CPNE4: variants seen among roughly 807,000 people sequenced by gnomAD.
CPNE4 encodes copine-4.
CPNE4 carries 25 observed loss-of-function variants against 67.9 expected under a neutral mutation model. The observed-to-expected ratio is 0.37, with a 90% CI of 0.27 to 0.51. CPNE4 has a LOEUF of 0.51. CPNE4 is among the 20% of genes least tolerant of loss of function. The probability of loss-of-function intolerance (pLI) is 0.93; values close to 1 mark genes in which losing one functional copy is unlikely to be tolerated. For synonymous variants in CPNE4, 242 were observed against 244.9 expected (o/e 0.99, Z 0.11); for missense variants, 464 against 690.8 (o/e 0.67, Z 3.68).
chr3:131,969,395 CT>C (rs1488156246), intron 1 of CPNE4, among the ~76,000 whole-genome samples: 1 of 151,858 alleles, frequency 6.6e-6, no homozygotes, highest in Non-Finnish European at 1.5e-5. Flanking sequence ...ATGGCAAAAA[CT>C]ACAATTACTT....
intron 2 of CPNE4, among the ~76,000 whole-genome samples, chr3:131,890,886 T>A (rs1263735131): frequency 6.6e-6 from 1 of 152,064 alleles, no homozygotes; most frequent in Non-Finnish European, 1.5e-5. Context: ...ATAAGAGACA[T>A]CTAAAATAAT....
intron 2 of CPNE4, among the ~76,000 whole-genome samples, chr3:131,894,262 TA>T (rs1267901536): frequency 6.6e-6 from 1 of 151,896 alleles, no homozygotes; most frequent in African/African-American, 2.4e-5. Flanking sequence ...CTGATGGCCT[TA>T]CTGCTGAATC....
intron 2 of CPNE4, among the ~76,000 whole-genome samples, chr3:131,871,799 T>C (rs1159888843): frequency 2.0e-5 from 3 of 152,206 alleles, no homozygotes; most frequent in African/African-American, 7.2e-5. Flanking sequence ...TCTGGAACTA[T>C]GACTGACTTT....
chr3:131,889,388 G>T (rs1484157003), intron 2 of CPNE4, among the ~76,000 whole-genome samples: 1 of 152,120 alleles, frequency 6.6e-6, no homozygotes, highest in African/African-American at 2.4e-5. Context: ...CTTTCCCAAG[G>T]TCACACAGTT....
At chr3:131,846,314 G>T (rs75297355) in intron 2 of CPNE4, among the ~76,000 whole-genome samples, 3,536 of 152,210 alleles carry the variant, frequency 0.023, 75 homozygotes, top group Middle Eastern at 0.075. Flanking sequence ...CTCTGGAATC[G>T]CTGGTATCTT....
At chr3:131,658,153 T>C (rs536980112) in intron 7 of CPNE4, among the ~76,000 whole-genome samples, 2 of 152,208 alleles carry the variant, frequency 1.3e-5, no homozygotes, top group South Asian at 2.1e-4. Flanking sequence ...TAAATTACTA[T>C]GTTGGCCTCC....
chr3:131,859,445 T>C (rs2086586052), intron 2 of CPNE4, among the ~76,000 whole-genome samples: 1 of 152,142 alleles, frequency 6.6e-6, no homozygotes, highest in African/African-American at 2.4e-5. Context: ...CAATCTAGCC[T>C]TTTTCCTTTG....
chr3:131,574,244 T>C (rs2107680840), intron 10 of CPNE4, among the ~76,000 whole-genome samples: 1 of 152,314 alleles, frequency 6.6e-6, no homozygotes, highest in East Asian at 1.9e-4. Flanking sequence ...ACATCTCTCT[T>C]GTTTACGTCC....
At chr3:131,634,562 G>A (rs1440173213) in intron 7 of CPNE4, among the ~76,000 whole-genome samples, 1 of 152,022 alleles carries the variant, frequency 6.6e-6, no homozygotes, top group African/African-American at 2.4e-5. Context: ...GTTCTTATTT[G>A]CTTACCTCCA....
intron 3 of CPNE4, among the ~76,000 whole-genome samples, chr3:131,710,289 T>C (rs1454338818): frequency 6.6e-6 from 1 of 152,240 alleles, no homozygotes; most frequent in Non-Finnish European, 1.5e-5. Context: ...GGGGTCTAAC[T>C]GCTATACATT....
chr3:131,979,331 G>A (rs2072842957), intron 1 of CPNE4, among the ~76,000 whole-genome samples: 1 of 152,078 alleles, frequency 6.6e-6, no homozygotes, highest in African/African-American at 2.4e-5. Context: ...CATTTCCTAG[G>A]TCTATTAGTA....
intron 2 of CPNE4, among the ~76,000 whole-genome samples, chr3:131,762,773 C>A (rs747231348): frequency 6.6e-6 from 1 of 151,980 alleles, no homozygotes; most frequent in South Asian, 2.1e-4. Context: ...ATTACTTTTA[C>A]AGATATCATC....
At chr3:131,840,114 G>C (rs1046776913) in intron 2 of CPNE4, among the ~76,000 whole-genome samples, 1 of 152,136 alleles carries the variant, frequency 6.6e-6, no homozygotes, top group Non-Finnish European at 1.5e-5. Context: ...AGCCACATCT[G>C]TCAGGGTGAG....
At chr3:131,700,444 G>A (rs142916399) in intron 3 of CPNE4, among the ~76,000 whole-genome samples, 20 of 152,222 alleles carry the variant, frequency 1.3e-4, no homozygotes, top group African/African-American at 4.6e-4. Context: ...TCATTAGGAA[G>A]TCATAAAGTA....
At chr3:132,037,342 C>A (rs375896054), upstream of CPNE4, among the ~76,000 whole-genome samples, 3 of 152,268 alleles carry the variant, frequency 2.0e-5, no homozygotes, top group Admixed American at 2.0e-4. Flanking sequence ...GAAGGCATGA[C>A]ACTGAAGGTA....
chr3:131,760,765 AC>A (rs2082865882), intron 2 of CPNE4, among the ~76,000 whole-genome samples: 1 of 152,174 alleles, frequency 6.6e-6, no homozygotes, highest in East Asian at 1.9e-4. Flanking sequence ...AATACGTGAC[AC>A]TTTTTCTTTT....
upstream of CPNE4, among the ~76,000 whole-genome samples, chr3:132,037,397 T>C (rs2141570): frequency 0.93 from 141,194 of 152,300 alleles, 65,727 homozygotes; most frequent in African/African-American, 0.98. Context: ...AGAATTTACT[T>C]CCACCTCTTA....
At chr3:131,846,889 G>A (rs1022934964) in intron 2 of CPNE4, among the ~76,000 whole-genome samples, 1 of 152,122 alleles carries the variant, frequency 6.6e-6, no homozygotes, top group Non-Finnish European at 1.5e-5. Context: ...TTCCAAAGGT[G>A]GACACTCCCG....
chr3:131,609,887 T>G (rs948118599), intron 7 of CPNE4, among the ~76,000 whole-genome samples: 1 of 152,146 alleles, frequency 6.6e-6, no homozygotes. Flanking sequence ...CCTCATCTAG[T>G]TGATATAAGA....
Sources: allele counts gnomAD v4.1 joint callset (sites outside exome capture counted in the v4.1 genomes callset), GRCh38; gene constraint gnomAD v4.1.1; transcripts MANE v1.5; gene names NCBI Gene and HGNC (gene_info 2026-07-23, HGNC 2026-07-21).